MYDGF: variants seen among roughly 807,000 people sequenced by gnomAD.
MYDGF encodes myeloid-derived growth factor.
In MYDGF, 29 loss-of-function variants were observed where a neutral mutation model predicts 24.2. The ratio of observed to expected loss-of-function variants is 1.20; its 90% CI spans 0.89 to 1.63. MYDGF has a LOEUF of 1.63. Ranked by LOEUF, MYDGF falls within the 40% of genes most tolerant of loss-of-function variation. The probability of loss-of-function intolerance (pLI) is 0.00; values close to 1 mark genes in which losing one functional copy is unlikely to be tolerated. For synonymous variants in MYDGF, 105 were observed against 102.5 expected (o/e 1.02, Z -0.15); for missense variants, 245 against 234.8 (o/e 1.04, Z -0.29).
chr19:4,665,049 A>C, intron 2 of MYDGF, 112 bp from the exon 3 acceptor site: 1 of 1,197,478 alleles, frequency 8.4e-7, no homozygotes. Context: ...CTCCCGATTC[A>C]GGGGCTGGCC....
At position 4,670,327 on chromosome 19, in the gene MYDGF, G is replaced by A. The variant is rs1158435841; in HGVS notation, c.8C>T (p.Ala3Val). The change falls in exon 1 of 6, where the codon GCG (alanine) becomes GTG (valine). Residue 3 changes from alanine (A) to valine (V), a missense_variant. Ala to Val is a moderately conservative substitution (Grantham distance 64). Transcript: ENST00000262947. Reference protein sequence around the residue: MAAPSGGWNGVGA... With the variant: MAVPSGGWNGVGA... ...GACGCCGTTCCACCCTCCGCTGGGC[G>A]CCGCCATGTTGGACTAGGGTCCTCA... 8 of 1,455,770 alleles carry A rather than the reference G, an allele frequency of 5.5e-6. No homozygotes were observed. Among genetic ancestry groups the A allele is most frequent in the South Asian group, 1.4e-5 (1 of 73,098 alleles). The allele number at this position is 1,455,770 out of a possible 1,614,324, so 90.2% of individuals were successfully genotyped here. A position where few individuals can be genotyped will look rare whatever the true frequency, so the allele number is the denominator to read the frequency against.
At chr19:4,661,782 G>A (rs1351317012) in intron 3 of MYDGF, among the ~76,000 whole-genome samples, 4 of 152,122 alleles carry the variant, frequency 2.6e-5, no homozygotes, top group African/African-American at 9.7e-5. Context: ...CTGAGATGAG[G>A]AGGCCTGGGG....
chr19:4,664,806 C>T lies in MYDGF; in HGVS notation c.287+70G>A, dbSNP rs75647605. ...GGTGCAGCCCTCGTTCCCTGCCTTCCAAAGCAGCTCCTGAGGCCACAGGGC... is the reference window on the plus strand; with the variant it reads ...GGTGCAGCCCTCGTTCCCTGCCTTCTAAAGCAGCTCCTGAGGCCACAGGGC... On this transcript the variant is annotated intron_variant, in intron 3 of 5. Coordinates refer to ENST00000262947, the MANE Select transcript of MYDGF (RefSeq NM_019107.4). 6,072 of 1,553,824 alleles carry T rather than the reference C, an allele frequency of 3.9e-3. 192 individuals carry two copies. The African/African-American group carries it at 0.071, about 18-fold the overall frequency.
chr19:4,664,475 T>TG (rs2088504755), intron 3 of MYDGF, among the ~76,000 whole-genome samples: 1 of 132,574 alleles, frequency 7.5e-6, no homozygotes. Context: ...GGGCAAAAGA[T>TG]GGAGACTCCA....
At chr19:4,663,920 C>T (rs1225148515) in intron 3 of MYDGF, among the ~76,000 whole-genome samples, 1 of 151,278 alleles carries the variant, frequency 6.6e-6, no homozygotes, top group Admixed American at 6.6e-5. Flanking sequence ...CTGCCTCAGC[C>T]TGCCTCCTTC....
chr19:4,657,924 G>C lies in MYDGF; in HGVS notation c.*81C>G. On this transcript the variant is annotated 3_prime_UTR_variant, in exon 6 of 6. Coordinates refer to ENST00000262947, the MANE Select transcript of MYDGF (RefSeq NM_019107.4). ...TAAGAGTCCCTCCTAGAAAACCAGT[G>C]ATGTGCTGGCCCTTTCAGGGACACA... is the stretch of plus-strand genomic sequence containing the variant. 8.5e-6 allele frequency: 11 copies of C among 1,292,418 alleles called. No individual in the cohort carries two copies. The South Asian group carries it at 1.5e-4, about 17-fold the overall frequency. 80.1% of individuals were successfully genotyped at this position (1,292,418 alleles called of 1,614,324 possible). A position where few individuals can be genotyped will look rare whatever the true frequency, so the allele number is the denominator to read the frequency against.
At chr19:4,670,042 C>T in intron 1 of MYDGF, 119 bp downstream of exon 1, 2 of 1,147,118 alleles carry the variant, frequency 1.7e-6, no homozygotes, top group Non-Finnish European at 2.3e-6. Flanking sequence ...AATCCGCACC[C>T]CTTCTTCAGT....
chr19:4,664,801 C>T (rs1366888722), intron 3 of MYDGF, 75 bp downstream of exon 3: 5 of 1,527,154 alleles, frequency 3.3e-6, no homozygotes, highest in Non-Finnish European at 4.5e-6. Context: ...TCGTTCCCTG[C>T]CTTCCAAAGC....
At position 4,657,773 on chromosome 19, in the gene MYDGF, C is replaced by A. The variant is rs546569295; in HGVS notation, c.*232G>T. On this transcript the variant is annotated 3_prime_UTR_variant, in exon 6 of 6. Transcript: ENST00000262947. ...CGATCCTGAGTCCAGAAGAGCTCAG[C>A]AGGAAGTGGGAACTGAGAAGCTGTT... The A allele has an allele frequency of 2.3e-4, 94 of 414,168 alleles. No homozygotes were observed. The highest frequency in any genetic ancestry group is 1.5e-3 in the African/African-American group (77 of 50,298). 25.7% of individuals were successfully genotyped at this position (414,168 alleles called of 1,614,324 possible). A position where few individuals can be genotyped will look rare whatever the true frequency, so the allele number is the denominator to read the frequency against.
chr19:4,658,993 G>A (rs866023691), intron 5 of MYDGF, among the ~76,000 whole-genome samples: 1 of 151,948 alleles, frequency 6.6e-6, no homozygotes, highest in Non-Finnish European at 1.5e-5. Context: ...AGTAGAGAAG[G>A]GGTTTCACCA....
chr19:4,664,812 A>G, intron 3 of MYDGF, 64 bp downstream of exon 3: 1 of 1,566,190 alleles, frequency 6.4e-7, no homozygotes, highest in Non-Finnish European at 8.7e-7. Context: ...CTTCCAAAGC[A>G]GCTCCTGAGG....
chr19:4,658,140 G>A (rs896544247), intron 5 of MYDGF, 56 bp from the exon 6 acceptor site: 354 of 1,497,024 alleles, frequency 2.4e-4, no homozygotes, highest in Admixed American at 4.8e-4. Context: ...TCAGAAGTCC[G>A]GAGGATTTGG....
At chr19:4,663,500 TG>T in intron 3 of MYDGF, among the ~76,000 whole-genome samples, 1 of 87,484 alleles carries the variant, frequency 1.1e-5, no homozygotes, top group Non-Finnish European at 2.2e-5. Context: ...CTCCAACCTG[TG>T]CACTCTCCAC....
intron 4 of MYDGF, among the ~76,000 whole-genome samples, chr19:4,660,291 A>AT (rs563610793): frequency 2.5e-3 from 376 of 148,758 alleles, no homozygotes; most frequent in Non-Finnish European, 4.1e-3. Flanking sequence ...ACGCCTGGCT[A>AT]TTTTTTTTTT....
chr19:4,668,659 G>C lies in MYDGF; in HGVS notation c.175-14C>G. On this transcript the variant is annotated splice_polypyrimidine_tract_variant and intron_variant, in intron 1 of 5. Transcript: ENST00000262947. ...CGTATATTTGTCCTAGAGAATGGAA[G>C]GAAAAAAAAGGTTTGGTAGAAGGAA... 6.2e-7 allele frequency: 1 copy of C among 1,607,870 alleles called. No individual in the cohort carries two copies.
intron 3 of MYDGF, among the ~76,000 whole-genome samples, chr19:4,663,568 TCATTCTACACAGCCTCCAATCTACCCTC>T (rs2088494549): frequency 2.3e-4 from 1 of 4,372 alleles, no homozygotes; most frequent in Admixed American, 3.0e-3. Flanking sequence ...CACCCCACCC[TCATTCTACACAGCCTCCAATCTACCCTC>T]CCCACCCACC....
chr19:4,663,468 C>CACCT (rs2088491397), intron 3 of MYDGF, among the ~76,000 whole-genome samples: 1 of 135,670 alleles, frequency 7.4e-6, no homozygotes, highest in Admixed American at 7.1e-5. Context: ...CTACCCTCCC[C>CACCT]ACCCCATCCT....
chr19:4,667,715 T>A (rs984023242), intron 2 of MYDGF, among the ~76,000 whole-genome samples: 6 of 89,486 alleles, frequency 6.7e-5, no homozygotes, highest in Non-Finnish European at 1.1e-4. Flanking sequence ...GCCCAGAGAC[T>A]TTTTTTTTTT....
At chr19:4,662,553 C>T (rs2088479449) in intron 3 of MYDGF, among the ~76,000 whole-genome samples, 1 of 152,106 alleles carries the variant, frequency 6.6e-6, no homozygotes, top group Non-Finnish European at 1.5e-5. Flanking sequence ...ATGAGCCTGA[C>T]AGAGGATGGC....
Sources: gnomAD v4.1 joint callset for allele counts (sites outside exome capture counted in the v4.1 genomes callset) on GRCh38, gnomAD v4.1.1 for gene constraint, MANE v1.5 for transcripts, NCBI Gene and HGNC (gene_info 2026-07-23, HGNC 2026-07-21) for gene names.